Variants in GRXCR2 observed in about 807,000 individuals in gnomAD.
GRXCR2 encodes the protein glutaredoxin domain-containing cysteine-rich protein 2.
GRXCR2 carries 23 observed loss-of-function variants against 24.8 expected under a neutral mutation model. That is an observed-to-expected ratio of 0.93 (90% CI 0.67 to 1.32). GRXCR2 has a LOEUF of 1.32. GRXCR2 is among the 40% of genes most tolerant of loss of function. The pLI, the probability that GRXCR2 is intolerant of heterozygous loss-of-function variation, is 0.00. For synonymous variants in GRXCR2, 130 were observed against 116.1 expected (o/e 1.12, Z -0.77); for missense variants, 315 against 303.4 (o/e 1.04, Z -0.28).
chr5:145,923,923 T>C (rs546961596), intron 2 of GRXCR2, among the ~76,000 whole-genome samples: 34 of 152,304 alleles, frequency 2.2e-4, no homozygotes, highest in Non-Finnish European at 4.3e-4. Flanking sequence ...TATATATCCC[T>C]TTGCATACTT....
At chr5:145,889,205 A>AAAGAAAGAAAGG (rs1239172988) in intron 2 of GRXCR2, among the ~76,000 whole-genome samples, 3 of 150,826 alleles carry the variant, frequency 2.0e-5, no homozygotes, top group African/African-American at 7.3e-5. Flanking sequence ...AGAAAGAAAG[A>AAAGAAAGAAAGG]AAGAAAGAAA....
chr5:145,874,482 A>G (rs945592780), upstream of GRXCR2, among the ~76,000 whole-genome samples: 3 of 152,126 alleles, frequency 2.0e-5, no homozygotes, highest in African/African-American at 7.2e-5. Context: ...GACTACAGGC[A>G]TGAGCCACCG....
chr5:145,908,180 AAGT>A (rs1757116319), intron 2 of GRXCR2, among the ~76,000 whole-genome samples: 1 of 152,236 alleles, frequency 6.6e-6, no homozygotes, highest in Non-Finnish European at 1.5e-5. Context: ...CCAATCTCAG[AAGT>A]CGATTCTAAA....
chr5:145,889,248 T>G (rs1756828505), intron 2 of GRXCR2, among the ~76,000 whole-genome samples: 1 of 121,738 alleles, frequency 8.2e-6, no homozygotes, highest in Admixed American at 8.3e-5. Context: ...AAGAAAGAAT[T>G]ATGCAATGGA....
At chr5:145,894,407 G>C (rs1347109028) in intron 2 of GRXCR2, among the ~76,000 whole-genome samples, 2 of 152,190 alleles carry the variant, frequency 1.3e-5, no homozygotes, top group South Asian at 2.1e-4. Context: ...AAGAAGAAAA[G>C]AGAGAAGAAT....
chr5:145,882,952 C>T (rs965539754), intron 2 of GRXCR2, among the ~76,000 whole-genome samples: 1 of 142,212 alleles, frequency 7.0e-6, no homozygotes, highest in Admixed American at 8.0e-5. Context: ...TGTTCTCACT[C>T]ATAGTTGGGA....
intron 2 of GRXCR2, among the ~76,000 whole-genome samples, chr5:145,881,203 T>C (rs565573596): frequency 7.2e-5 from 11 of 152,278 alleles, no homozygotes; most frequent in African/African-American, 2.4e-4. Context: ...GAGAAAGAAA[T>C]AAAGGGTATT....
At chr5:145,915,614 G>A (rs749649105) in intron 2 of GRXCR2, among the ~76,000 whole-genome samples, 15 of 151,816 alleles carry the variant, frequency 9.9e-5, no homozygotes, top group Non-Finnish European at 1.9e-4. Context: ...GTGAAACCCC[G>A]ACTCTACTAA....
chr5:145,891,429 C>A (rs551792334), intron 2 of GRXCR2, among the ~76,000 whole-genome samples: 7 of 152,240 alleles, frequency 4.6e-5, no homozygotes, highest in African/African-American at 1.7e-4. Context: ...TGGGTCACTC[C>A]CACCCTAATA....
chr5:145,894,786 G>A (rs896781002), intron 2 of GRXCR2, among the ~76,000 whole-genome samples: 8 of 152,050 alleles, frequency 5.3e-5, no homozygotes, highest in African/African-American at 1.7e-4. Context: ...CATTTTATGA[G>A]GACAGCATCA....
At chr5:145,926,344 G>A (rs1319483802) in intron 2 of GRXCR2, among the ~76,000 whole-genome samples, 1 of 152,090 alleles carries the variant, frequency 6.6e-6, no homozygotes, top group Non-Finnish European at 1.5e-5. Flanking sequence ...AATGATTTAA[G>A]CATTTTTAAT....
chr5:145,875,721 T>C (rs1018605647), upstream of GRXCR2, among the ~76,000 whole-genome samples: 10 of 152,218 alleles, frequency 6.6e-5, no homozygotes, highest in East Asian at 1.9e-3. Context: ...GATACACTTT[T>C]CATAACATTG....
At chr5:145,881,382 A>G (rs916278258) in intron 2 of GRXCR2, among the ~76,000 whole-genome samples, 2 of 152,222 alleles carry the variant, frequency 1.3e-5, no homozygotes, top group East Asian at 1.9e-4. Flanking sequence ...CTTATACACC[A>G]ATAACAGACA....
chr5:145,919,919 C>T (rs1024691718), intron 2 of GRXCR2, among the ~76,000 whole-genome samples: 1 of 152,050 alleles, frequency 6.6e-6, no homozygotes, highest in Non-Finnish European at 1.5e-5. Flanking sequence ...GGAGAATGTT[C>T]CAGAAATTTG....
At chr5:145,863,225 C>G (rs368525731) in intron 2 of GRXCR2, among the ~76,000 whole-genome samples, 1 of 152,220 alleles carries the variant, frequency 6.6e-6, no homozygotes, top group Admixed American at 6.5e-5. Flanking sequence ...CAAAGAGGCT[C>G]TTGGTCAGAA....
chr5:145,926,543 T>C (rs1341133635), intron 2 of GRXCR2, among the ~76,000 whole-genome samples: 1 of 152,202 alleles, frequency 6.6e-6, no homozygotes, highest in Non-Finnish European at 1.5e-5. Context: ...GTTTTAGAAA[T>C]GCGGCATTAT....
intron 2 of GRXCR2, among the ~76,000 whole-genome samples, chr5:145,884,973 T>A (rs1756757673): frequency 1.3e-5 from 2 of 152,200 alleles, no homozygotes; most frequent in Non-Finnish European, 2.9e-5. Context: ...TTATTGCAAA[T>A]TGAGTATGAA....
chr5:145,864,464 C>G (rs186545222), intron 2 of GRXCR2, among the ~76,000 whole-genome samples: 2 of 152,208 alleles, frequency 1.3e-5, no homozygotes, highest in East Asian at 3.9e-4. Flanking sequence ...CTCTGTGTCC[C>G]TACCCAAATC....
intron 1 of GRXCR2, among the ~76,000 whole-genome samples, chr5:145,868,476 CT>C (rs1403741137): frequency 6.6e-6 from 1 of 152,154 alleles, no homozygotes; most frequent in African/African-American, 2.4e-5. Flanking sequence ...CTCTCCCTTT[CT>C]TCAAGGGATC....
Sources: allele counts gnomAD v4.1 joint callset (sites outside exome capture counted in the v4.1 genomes callset), GRCh38; gene constraint gnomAD v4.1.1; transcripts MANE v1.5; gene names NCBI Gene and HGNC (gene_info 2026-07-23, HGNC 2026-07-21).